The following DTNB variants were observed in gnomAD, a reference collection of about 807,000 sequenced individuals.
DTNB encodes DTN-B.
In DTNB, 63 loss-of-function variants were observed where a neutral mutation model predicts 90.7. The ratio of observed to expected loss-of-function variants is 0.69; its 90% CI spans 0.57 to 0.86. The LOEUF (loss-of-function observed/expected upper bound fraction) is 0.86. Ranked by LOEUF, DTNB falls within the 40% of genes least tolerant of loss-of-function variation. The pLI is 0.00. For synonymous variants in DTNB, 277 were observed against 286.7 expected (o/e 0.97, Z 0.34); for missense variants, 744 against 807.1 (o/e 0.92, Z 0.95).
intron 19 of DTNB, among the ~76,000 whole-genome samples, chr2:25,381,144 C>T (rs933212224): frequency 6.6e-6 from 1 of 152,214 alleles, no homozygotes; most frequent in African/African-American, 2.4e-5. Context: ...GTTATGTCTT[C>T]AGCCAGGAAC....
chr2:25,593,886 T>C (rs2064046993), intron 6 of DTNB, among the ~76,000 whole-genome samples: 1 of 152,172 alleles, frequency 6.6e-6, no homozygotes, highest in Non-Finnish European at 1.5e-5. Context: ...CCCTTCCCCA[T>C]TCCAATACCA....
At chr2:25,649,301 G>A (rs1300513611) in intron 2 of DTNB, among the ~76,000 whole-genome samples, 1 of 152,042 alleles carries the variant, frequency 6.6e-6, no homozygotes, top group Non-Finnish European at 1.5e-5. Context: ...CACCACACCT[G>A]GCCATCCTTC....
At chr2:25,556,233 C>G (rs1446437672) in intron 8 of DTNB, among the ~76,000 whole-genome samples, 2 of 134,104 alleles carry the variant, frequency 1.5e-5, no homozygotes, top group Non-Finnish European at 3.1e-5. Context: ...ATGATACTCT[C>G]CTACAAAAAT....
intron 12 of DTNB, among the ~76,000 whole-genome samples, chr2:25,437,004 T>C (rs966942003): frequency 6.6e-6 from 1 of 152,162 alleles, no homozygotes; most frequent in Non-Finnish European, 1.5e-5. Context: ...AGGAGGTTAA[T>C]ATAGGAATCA....
At chr2:25,447,497 ATCT>A (rs1399794792) in intron 12 of DTNB, among the ~76,000 whole-genome samples, 1 of 132,594 alleles carries the variant, frequency 7.5e-6, no homozygotes, top group Non-Finnish European at 1.6e-5. Context: ...GCAGCTAGTT[ATCT>A]TTTTTTTTTT....
intron 10 of DTNB, among the ~76,000 whole-genome samples, chr2:25,464,870 G>C (rs2061526722): frequency 6.6e-6 from 1 of 152,136 alleles, no homozygotes; most frequent in Non-Finnish European, 1.5e-5. Context: ...CCAAGGTCAT[G>C]AAAAATAAGG....
intron 20 of DTNB, among the ~76,000 whole-genome samples, chr2:25,378,619 G>T (rs1389203182): frequency 6.6e-6 from 1 of 152,218 alleles, no homozygotes; most frequent in Non-Finnish European, 1.5e-5. Flanking sequence ...TTAAAATGGA[G>T]AAGTCTGATA....
chr2:25,482,785 G>A lies in DTNB; in HGVS notation c.1079+11C>T. Reference sequence around the variant, plus strand: ...GCCAACACCCAAGTCGAAGGCACAAGACATACGTACCTCTTGGTGGGAGTG... The same window carrying A: ...GCCAACACCCAAGTCGAAGGCACAAAACATACGTACCTCTTGGTGGGAGTG... On this transcript the variant is annotated intron_variant, in intron 10 of 20. Transcript: ENST00000406818. 1 of 1,613,568 alleles carries A rather than the reference G, an allele frequency of 6.2e-7. No homozygotes were observed. Among genetic ancestry groups the A allele is most frequent in the South Asian group, 1.1e-5 (1 of 91,056 alleles).
At chr2:25,461,947 C>T (rs182104474) in intron 10 of DTNB, among the ~76,000 whole-genome samples, 2 of 152,280 alleles carry the variant, frequency 1.3e-5, no homozygotes, top group East Asian at 1.9e-4. Context: ...CGTGAGGCTC[C>T]GTGATCGGCA....
intron 16 of DTNB, among the ~76,000 whole-genome samples, chr2:25,405,738 T>TTA (rs1297761977): frequency 6.6e-6 from 1 of 152,126 alleles, no homozygotes; most frequent in Non-Finnish European, 1.5e-5. Flanking sequence ...TACTGTCTAA[T>TTA]CTTTTAAGAA....
chr2:25,421,775 G>A (rs2049802297), intron 15 of DTNB, among the ~76,000 whole-genome samples: 1 of 152,154 alleles, frequency 6.6e-6, no homozygotes, highest in Non-Finnish European at 1.5e-5. Context: ...ACACTGCTGT[G>A]GCTCAACAGA....
intron 8 of DTNB, among the ~76,000 whole-genome samples, chr2:25,566,684 A>G (rs1169976819): frequency 6.6e-6 from 1 of 152,214 alleles, no homozygotes; most frequent in Non-Finnish European, 1.5e-5. Flanking sequence ...AATAGTCGAT[A>G]GTCAATTGAC....
At chr2:25,489,516 G>A (rs1456280101) in intron 9 of DTNB, among the ~76,000 whole-genome samples, 1 of 152,082 alleles carries the variant, frequency 6.6e-6, no homozygotes, top group Non-Finnish European at 1.5e-5. Context: ...TATTTCTAGG[G>A]TGTTAAAGAG....
intron 8 of DTNB, among the ~76,000 whole-genome samples, chr2:25,574,426 G>A (rs2060353431): frequency 6.6e-6 from 1 of 152,160 alleles, no homozygotes; most frequent in East Asian, 1.9e-4. Context: ...GAATTATACT[G>A]CATAGCTACT....
At chr2:25,581,067 C>T (rs956259683) in intron 6 of DTNB, among the ~76,000 whole-genome samples, 5 of 152,112 alleles carry the variant, frequency 3.3e-5, no homozygotes, top group Non-Finnish European at 7.3e-5. Context: ...ATAAGGTAAA[C>T]TAGGTTAGAC....
At position 25,628,328 on chromosome 2, in the gene DTNB, T is replaced by C. The variant is rs1442433868; in HGVS notation, c.205A>G (p.Thr69Ala). 6.2e-7 allele frequency: 1 copy of C among 1,613,380 alleles called. No individual in the cohort carries two copies. The highest frequency in any genetic ancestry group is 8.5e-7 in the Non-Finnish European group (1 of 1,179,794). ...CTGATCTCGGTGGTATGGTCCAGTG[T>C]ATTAAGGCCATTGTCTCGGAAGGCT... Reference protein sequence around the residue: ...IEAFRDNGLNTLDHTTEISVS... With the variant: ...IEAFRDNGLNALDHTTEISVS... Residue 69 changes from threonine (T) to alanine (A), a missense_variant, in exon 4 of 21, where the codon ACA becomes GCA. Transcript: ENST00000406818.
At chr2:25,529,473 G>C (rs1264398602) in intron 9 of DTNB, among the ~76,000 whole-genome samples, 1 of 151,490 alleles carries the variant, frequency 6.6e-6, no homozygotes, top group Non-Finnish European at 1.5e-5. Context: ...GGAAAAACAC[G>C]ACCCAAAAGG....
At chr2:25,428,455 C>T (rs1277062121) in intron 14 of DTNB, among the ~76,000 whole-genome samples, 4 of 145,610 alleles carry the variant, frequency 2.7e-5, no homozygotes, top group South Asian at 2.2e-4. Context: ...TTTTTTGTGA[C>T]GGAGTCTCAC....
chr2:25,544,408 C>T (rs529723297), intron 8 of DTNB, among the ~76,000 whole-genome samples: 10 of 152,310 alleles, frequency 6.6e-5, no homozygotes, highest in South Asian at 2.1e-4. Flanking sequence ...TCAGGGTATA[C>T]GCTGACAGGC....
Sources: allele counts gnomAD v4.1 joint callset (sites outside exome capture counted in the v4.1 genomes callset), GRCh38; gene constraint gnomAD v4.1.1; transcripts MANE v1.5; gene names NCBI Gene and HGNC (gene_info 2026-07-23, HGNC 2026-07-21).